Variants in PPP2R3A observed in about 807,000 individuals in gnomAD.
The protein encoded by PPP2R3A is serine/threonine-protein phosphatase 2A regulatory subunit B'' subunit alpha.
In PPP2R3A, 80 loss-of-function variants were observed where a neutral mutation model predicts 106.9. That is an observed-to-expected ratio of 0.75 (90% CI 0.62 to 0.90). The LOEUF is 0.90. Ranked by LOEUF, PPP2R3A falls within the 40% of genes least tolerant of loss-of-function variation. The probability of loss-of-function intolerance (pLI) is 0.00; values close to 1 mark genes in which losing one functional copy is unlikely to be tolerated. For missense variants in PPP2R3A, 1,386 were observed against 1,350.4 expected (o/e 1.03, Z -0.41); for synonymous variants, 483 against 468.3 (o/e 1.03, Z -0.41).
intron 1 of PPP2R3A, among the ~76,000 whole-genome samples, chr3:135,985,112 C>T (rs1257816414): frequency 2.6e-5 from 4 of 152,124 alleles, no homozygotes; most frequent in Non-Finnish European, 4.4e-5. Flanking sequence ...ACCATATCAA[C>T]CTCTTTCCTT....
chr3:135,968,270 A>G (rs1354508591), intron 1 of PPP2R3A, among the ~76,000 whole-genome samples: 1 of 152,216 alleles, frequency 6.6e-6, no homozygotes. Flanking sequence ...ATAAATATAC[A>G]TTTATCTCAT....
intron 8 of PPP2R3A, among the ~76,000 whole-genome samples, chr3:136,087,245 G>GTCTC (rs34566151): frequency 0.062 from 4,683 of 75,050 alleles, 473 homozygotes; most frequent in East Asian, 0.093. Context: ...CTCTAGTCGT[G>GTCTC]TCTCTCTCTC....
At chr3:136,138,498 A>G (rs1938711606) in intron 13 of PPP2R3A, among the ~76,000 whole-genome samples, 1 of 152,190 alleles carries the variant, frequency 6.6e-6, no homozygotes, top group Non-Finnish European at 1.5e-5. Context: ...AACTTCAACA[A>G]GAGTTGAAAC....
At chr3:136,103,844 C>T (rs571532621) in intron 12 of PPP2R3A, among the ~76,000 whole-genome samples, 11 of 152,280 alleles carry the variant, frequency 7.2e-5, no homozygotes, top group African/African-American at 1.7e-4. Context: ...CGCCTTTTCA[C>T]GTGTTAATGA....
chr3:136,135,626 G>A (rs1938582338), intron 13 of PPP2R3A, among the ~76,000 whole-genome samples: 2 of 152,130 alleles, frequency 1.3e-5, no homozygotes, highest in African/African-American at 4.8e-5. Context: ...GACTCCTGAG[G>A]CTCAGTTTCA....
At chr3:136,110,910 A>T (rs1937582118) in intron 13 of PPP2R3A, among the ~76,000 whole-genome samples, 1 of 152,216 alleles carries the variant, frequency 6.6e-6, no homozygotes. Flanking sequence ...AAAGAAAAAA[A>T]CATTATCCAT....
At chr3:136,068,609 A>G (rs530225106) in intron 5 of PPP2R3A, among the ~76,000 whole-genome samples, 3 of 152,370 alleles carry the variant, frequency 2.0e-5, no homozygotes, top group Non-Finnish European at 4.4e-5. Context: ...AATAGAAACA[A>G]AATCACTATT....
chr3:136,020,278 T>C (rs1934420254), intron 2 of PPP2R3A, among the ~76,000 whole-genome samples: 1 of 152,110 alleles, frequency 6.6e-6, no homozygotes, highest in African/African-American at 2.4e-5. Flanking sequence ...AAAATGTCTA[T>C]ATAAACATTT....
intron 7 of PPP2R3A, among the ~76,000 whole-genome samples, chr3:136,078,810 A>C (rs1936683656): frequency 6.6e-6 from 1 of 152,230 alleles, no homozygotes; most frequent in Admixed American, 6.5e-5. Context: ...GGTCTTGGAA[A>C]GGCCTTGGAA....
At chr3:136,143,141 A>G (rs1204208811) in intron 13 of PPP2R3A, among the ~76,000 whole-genome samples, 1 of 152,208 alleles carries the variant, frequency 6.6e-6, no homozygotes, top group Non-Finnish European at 1.5e-5. Context: ...ATAGGGAACA[A>G]TTTTCTATCA....
intron 7 of PPP2R3A, among the ~76,000 whole-genome samples, chr3:136,079,638 A>AC (rs1936718044): frequency 6.6e-6 from 1 of 151,668 alleles, no homozygotes; most frequent in African/African-American, 2.4e-5. Context: ...CCAACTCCTG[A>AC]CCTCATGATC....
At position 135,965,962 on chromosome 3, in the gene PPP2R3A, G is replaced by A. The variant is rs543410519; in HGVS notation, c.-441+113G>A. ...CGGAGGCCGGGGCGGGCGGGGCCGG[G>A]ACCTGGGGGCGGGGACCGGCCTGGC... On this transcript the variant is annotated intron_variant, in intron 1 of 13. Transcript: ENST00000264977. 522 of 153,186 alleles carry A rather than the reference G, an allele frequency of 3.4e-3. 4 individuals carry two copies. Among genetic ancestry groups the A allele is most frequent in the African/African-American group, 0.012 (483 of 41,364 alleles). The allele number at this position is 153,186 out of a possible 1,614,324, so 9.5% of individuals were successfully genotyped here.
intron 13 of PPP2R3A, among the ~76,000 whole-genome samples, chr3:136,128,193 G>T (rs1938257485): frequency 6.6e-6 from 1 of 152,226 alleles, no homozygotes; most frequent in Non-Finnish European, 1.5e-5. Flanking sequence ...TGGGCTAAAT[G>T]CCCCAATTAA....
intron 5 of PPP2R3A, among the ~76,000 whole-genome samples, chr3:136,068,863 G>A (rs2107904263): frequency 6.6e-6 from 1 of 152,284 alleles, no homozygotes; most frequent in African/African-American, 2.4e-5. Flanking sequence ...CATACCCTCT[G>A]TATTACGTAT....
chr3:136,125,907 A>G (rs1367325433), intron 13 of PPP2R3A, among the ~76,000 whole-genome samples: 1 of 152,226 alleles, frequency 6.6e-6, no homozygotes, highest in African/African-American at 2.4e-5. Flanking sequence ...AAAACCCAAC[A>G]TCCATTGACA....
intron 10 of PPP2R3A, among the ~76,000 whole-genome samples, chr3:136,095,369 C>A (rs149725723): frequency 6.6e-6 from 1 of 152,324 alleles, no homozygotes; most frequent in East Asian, 1.9e-4. Context: ...TAACAGCTCA[C>A]ATATTGAGAT....
rs747148677 is a variant in PPP2R3A, at chr3:136,002,150, CAT to C, written c.654_655del (p.His218GlnfsTer4). The C allele has an allele frequency of 1.2e-6, 2 of 1,613,638 alleles. No homozygotes were observed. Among genetic ancestry groups the C allele is most frequent in the South Asian group, 2.2e-5 (2 of 90,948 alleles). ...EDLVTQILEK[H>X]KIDNFSSGTD... Reference sequence around the variant, plus strand: ...CTTGGTTACTCAGATTTTGGAAAAACATAAAATAGATAATTTTTCTTCTGGGA... The same window carrying C: ...CTTGGTTACTCAGATTTTGGAAAAACAAAATAGATAATTTTTCTTCTGGGA... On this transcript the variant is annotated frameshift_variant, in exon 2 of 14. Coordinates refer to ENST00000264977, the MANE Select transcript of PPP2R3A (RefSeq NM_002718.5). LOFTEE classifies it high-confidence loss of function.
chr3:136,144,753 C>T (rs1576345859), intron 13 of PPP2R3A, among the ~76,000 whole-genome samples: 2 of 152,100 alleles, frequency 1.3e-5, no homozygotes, highest in African/African-American at 4.8e-5. Context: ...TTTTCTTTAC[C>T]TAGCACCATC....
chr3:136,057,788 C>G (rs546735943), intron 5 of PPP2R3A, among the ~76,000 whole-genome samples: 1 of 151,886 alleles, frequency 6.6e-6, no homozygotes, highest in Non-Finnish European at 1.5e-5. Context: ...ATCAAAAAGA[C>G]GAAAGATAAC....
Sources: allele counts gnomAD v4.1 joint callset (sites outside exome capture counted in the v4.1 genomes callset), GRCh38; gene constraint gnomAD v4.1.1; transcripts MANE v1.5; gene names NCBI Gene and HGNC (gene_info 2026-07-23, HGNC 2026-07-21).